Variants in TMOD1 observed in about 807,000 individuals in gnomAD.
TMOD1 encodes tropomodulin-1.
Under a neutral mutation model 40.6 loss-of-function variants are expected in TMOD1, and 17 were observed. The ratio of observed to expected loss-of-function variants is 0.42; its 90% confidence interval spans 0.29 to 0.63. TMOD1 has a LOEUF of 0.63. TMOD1 is among the 20% of genes least tolerant of loss of function. The pLI is 0.22. For synonymous variants in TMOD1, 181 were observed against 175.0 expected, an observed-to-expected ratio of 1.03 and a Z score of -0.27; for missense variants, 391 against 447.6, an observed-to-expected ratio of 0.87 and a Z score of 1.14.
At chr9:97,516,360 C>T (rs1400181246) in intron 1 of TMOD1, 2 of 152,508 alleles carry the variant, frequency 1.3e-5, no homozygotes, top group African/African-American at 2.4e-5. Flanking sequence ...TTAGAGCTTC[C>T]TACAGAGGTG....
intron 1 of TMOD1, among the ~76,000 whole-genome samples, chr9:97,503,147 C>T (rs748863561): frequency 1.3e-5 from 2 of 152,166 alleles, no homozygotes; most frequent in East Asian, 1.9e-4. Flanking sequence ...CCATTTTGTC[C>T]TCTGTGCAGG....
chr9:97,538,617 C>A (rs752313938), intron 2 of TMOD1, among the ~76,000 whole-genome samples: 3 of 152,176 alleles, frequency 2.0e-5, no homozygotes, highest in African/African-American at 4.8e-5. Flanking sequence ...GTTATAGATT[C>A]TTCTTTGCTA....
rs78825290 is a variant in TMOD1, at chr9:97,591,347, C to T, written c.927C>T (p.Asn309=). The change falls in exon 9 of 10, where the codon AAC becomes AAT. Residue 309 remains asparagine (N), a synonymous_variant. Coordinates refer to ENST00000259365, the MANE Select transcript of TMOD1 (RefSeq NM_003275.4). ...AGATTGTGAGCATGTTGGAAAAAAA[C>T]GCAACACTTCTCAAATTCGGCTACC... ...EMEIVSMLEK[N]ATLLKFGYHF... The T allele has an allele frequency of 6.2e-5, 100 of 1,614,130 alleles. No individual in the cohort carries two copies. The highest frequency in any genetic ancestry group is 6.0e-4 in the East Asian group (27 of 44,882).
In TMOD1 at chr9:97,553,309, A is replaced by G. The variant is rs1325546773; in HGVS notation, c.306A>G (p.Pro102=). 1.2e-6 allele frequency: 2 copies of G among 1,614,194 alleles called. No individual in the cohort carries two copies. Among genetic ancestry groups the G allele is most frequent in the South Asian group, 1.1e-5 (1 of 91,086 alleles). Residue 102 remains proline, a synonymous_variant, in exon 4 of 10, where the codon CCA becomes CCG. Transcript: ENST00000259365. ...AGGTCTGGGTTCCTAAGCAGAAGCCACTGGATCCTGTGCTGGAAAGTGTGA... is the reference window on the plus strand; with the variant it reads ...AGGTCTGGGTTCCTAAGCAGAAGCCGCTGGATCCTGTGCTGGAAAGTGTGA... ...RGKVWVPKQK[P]LDPVLESVTL... is the part of the protein sequence containing the mutation.
Position 97,564,130 on chromosome 9 carries a change from G to C in TMOD1, c.580G>C (p.Asp194His), listed in dbSNP as rs1033748753. 2.5e-6 allele frequency: 4 copies of C among 1,612,930 alleles called. No homozygotes were observed. The South Asian group carries it at 4.4e-5, about 18-fold the overall frequency. ...AACGCTGGAACGGATAAAGAACAAC[G>C]ACCCAAAACTTGAAGAAGTTAACCT... ...EETLERIKNN[D>H]PKLEEVNLNN... is the part of the protein sequence containing the mutation. The change falls in exon 6 of 10, where the codon GAC becomes CAC. Residue 194 changes from aspartate (D) to histidine (H), a missense_variant. Coordinates refer to ENST00000259365, the MANE Select transcript of TMOD1 (RefSeq NM_003275.4).
At chr9:97,545,587 A>G (rs1213991260) in intron 2 of TMOD1, among the ~76,000 whole-genome samples, 1 of 152,222 alleles carries the variant, frequency 6.6e-6, no homozygotes, top group Non-Finnish European at 1.5e-5. Flanking sequence ...TAGGGCCAGC[A>G]GGGACTGTGG....
chr9:97,519,109 A>G (rs900501823), intron 1 of TMOD1, among the ~76,000 whole-genome samples: 2 of 152,236 alleles, frequency 1.3e-5, no homozygotes, highest in African/African-American at 2.4e-5. Context: ...GTGTTCCCAC[A>G]TTGGCGGGCA....
chr9:97,545,553 G>A (rs778439538), intron 2 of TMOD1, among the ~76,000 whole-genome samples: 10 of 152,204 alleles, frequency 6.6e-5, no homozygotes, highest in Non-Finnish European at 1.2e-4. Flanking sequence ...GCACAGACCC[G>A]TCAGGAGGTT....
At chr9:97,567,102 A>G (rs1830740430) in intron 7 of TMOD1, among the ~76,000 whole-genome samples, 1 of 152,214 alleles carries the variant, frequency 6.6e-6, no homozygotes, top group Non-Finnish European at 1.5e-5. Flanking sequence ...GTTCTTTCAT[A>G]TTTTTGAAAT....
rs1430975788 is a variant in TMOD1, at chr9:97,537,280, GCATGTCTGCA to G, written c.121-8899_121-8890del. ...TGCGTGCATGCATGTGCACGTGTGT[GCATGTCTGCA>G]CATGTGTGCACATGTGTGATCGTGC... On this transcript the variant is annotated intron_variant, in intron 2 of 9. Transcript: ENST00000259365. Among the ~76,000 whole-genome samples the G allele has an allele frequency of 2.6e-5, 4 of 152,350 alleles. 1 individual carries two copies. The East Asian group carries it at 7.7e-4, about 29-fold the overall frequency.
Position 97,600,506 on chromosome 9 carries a change from T to G in TMOD1, c.*808T>G. The G allele has an allele frequency of 4.1e-6, 4 of 985,642 alleles. No homozygotes were observed. The highest frequency in any genetic ancestry group is 4.8e-6 in the Non-Finnish European group (4 of 830,104). The allele number at this position is 985,642 out of a possible 1,614,324, so 61.1% of individuals were successfully genotyped here. A position where few individuals can be genotyped will look rare whatever the true frequency, so the allele number is the denominator to read the frequency against. On this transcript the variant is annotated 3_prime_UTR_variant, in exon 10 of 10. Transcript: ENST00000259365. ...ATGGATGTGAAAATCTACGGCCAAA[T>G]ACTTTTGAAAACACCTTTCTATATT...
At chr9:97,533,231 TA>T (rs1302513084) in intron 2 of TMOD1, among the ~76,000 whole-genome samples, 1 of 152,258 alleles carries the variant, frequency 6.6e-6, no homozygotes, top group African/African-American at 2.4e-5. Context: ...TTCTACCTCC[TA>T]TGGCAGGTGT....
intron 9 of TMOD1, among the ~76,000 whole-genome samples, chr9:97,592,459 G>C (rs1435312439): frequency 8.6e-5 from 13 of 151,966 alleles, no homozygotes. Context: ...CTCTTTCTGG[G>C]ACTACATTGT....
intron 4 of TMOD1, among the ~76,000 whole-genome samples, chr9:97,554,778 C>A (rs970693934): frequency 1.1e-4 from 16 of 152,096 alleles, no homozygotes; most frequent in African/African-American, 3.9e-4. Context: ...ACTTGACAGG[C>A]CACAGCTGCC....
chr9:97,535,413 C>T (rs1007070), intron 2 of TMOD1, among the ~76,000 whole-genome samples: 26,745 of 152,160 alleles, frequency 0.18, 2,572 homozygotes, highest in Middle Eastern at 0.3. Context: ...TGCTTTCTCT[C>T]TCCCTGCGAT....
intron 3 of TMOD1, among the ~76,000 whole-genome samples, chr9:97,552,177 CCTGT>C (rs1167597203): frequency 3.3e-5 from 5 of 152,146 alleles, no homozygotes; most frequent in Non-Finnish European, 1.5e-5. Flanking sequence ...ACTTCTTTTT[CCTGT>C]CTATTTATTC....
intron 2 of TMOD1, among the ~76,000 whole-genome samples, chr9:97,524,943 C>T (rs1829986473): frequency 6.6e-6 from 1 of 152,096 alleles, no homozygotes; most frequent in South Asian, 2.1e-4. Flanking sequence ...CCCTCACAGA[C>T]ACACCCAGAA....
At chr9:97,589,526 G>A (rs1587963284) in intron 8 of TMOD1, among the ~76,000 whole-genome samples, 1 of 151,372 alleles carries the variant, frequency 6.6e-6, no homozygotes, top group East Asian at 1.9e-4. Context: ...TGATCCACCC[G>A]CCTCGGCCTC....
intron 2 of TMOD1, among the ~76,000 whole-genome samples, chr9:97,539,384 C>G (rs1396950840): frequency 6.6e-6 from 1 of 152,044 alleles, no homozygotes; most frequent in African/African-American, 2.4e-5. Context: ...AGCTCTATGG[C>G]GATATTTTCA....
Sources: gnomAD v4.1 joint callset for allele counts (sites outside exome capture counted in the v4.1 genomes callset) on GRCh38, gnomAD v4.1.1 for gene constraint, MANE v1.5 for transcripts, NCBI Gene and HGNC (gene_info 2026-07-23, HGNC 2026-07-21) for gene names.